Variants in SHOX observed in about 807,000 individuals in gnomAD.
SHOX encodes SHOX homeobox.
In SHOX, 12 loss-of-function variants were observed where a neutral mutation model predicts 29.6. The ratio of observed to expected loss-of-function variants is 0.41; its 90% CI spans 0.26 to 0.66. The LOEUF is 0.66. SHOX is among the 30% of genes least tolerant of loss of function. SHOX has a pLI of 0.35. For missense variants in SHOX, 499 were observed against 437.7 expected (o/e 1.14, Z -1.25); for synonymous variants, 214 against 200.6 (o/e 1.07, Z -0.57).
At chrX:642,491 C>G (rs778807575) in intron 4 of SHOX, among the ~76,000 whole-genome samples, 2 of 152,168 alleles carry the variant, frequency 1.3e-5, no homozygotes, top group East Asian at 3.9e-4. Context: ...GGACCCCGAG[C>G]GCTGGTCGCC....
At chrX:652,500 C>A (rs768396421), downstream of SHOX, among the ~76,000 whole-genome samples, 3 of 151,632 alleles carry the variant, frequency 2.0e-5, no homozygotes, top group Non-Finnish European at 2.9e-5. Flanking sequence ...GGGTTCCCAC[C>A]GCGGTTACAG....
intron 2 of SHOX, among the ~76,000 whole-genome samples, chrX:636,341 T>TATAAATATATAAACATATATAA (rs1556463148): frequency 1.5e-5 from 2 of 132,296 alleles, no homozygotes; most frequent in African/African-American, 5.7e-5. Flanking sequence ...CATATAAACA[T>TATAAATATATAAACATATATAA]ATATAAATAT....
intron 2 of SHOX, among the ~76,000 whole-genome samples, chrX:639,232 A>G (rs190131256): frequency 6.6e-6 from 1 of 152,298 alleles, no homozygotes; most frequent in East Asian, 1.9e-4. Flanking sequence ...CAAGACTCAG[A>G]AGTCCTTAGA....
Position 649,171 on chromosome X carries a change from G to A in SHOX, c.*4535G>A, listed in dbSNP as rs1247891173. ...TCCTGCCTCAGCCTCCCAAGTAGCT[G>A]GGATGACAGGCACCCACCACCATTC... On this transcript the variant is annotated 3_prime_UTR_variant, in exon 5 of 5. Transcript: ENST00000686671. Among the ~76,000 whole-genome samples, 1 of 151,992 alleles carries A rather than the reference G, an allele frequency of 6.6e-6. No individual in the cohort carries two copies. The highest frequency in any genetic ancestry group is 1.5e-5 in the Non-Finnish European group (1 of 67,992).
downstream of SHOX, among the ~76,000 whole-genome samples, chrX:651,764 A>G (rs1304231920): frequency 2.6e-5 from 4 of 151,004 alleles, no homozygotes; most frequent in Non-Finnish European, 5.9e-5. Context: ...GGGAGGTACC[A>G]TTGACTTTTG....
At chrX:626,573 G>GTCTGTCTCTGTCTCTCTCTCTCCTCTC (rs1268714423), upstream of SHOX, among the ~76,000 whole-genome samples, 1 of 13,356 alleles carries the variant, frequency 7.5e-5, no homozygotes, top group African/African-American at 3.4e-4. Flanking sequence ...CTCTGTCTCT[G>GTCTGTCTCTGTCTCTCTCTCTCCTCTC]TCTGTATCTC....
rs2052644410 is a variant in SHOX at position 631,294 on chromosome X, T to C, written c.277+120T>C. 6 of 1,300,768 alleles carry C rather than the reference T, an allele frequency of 4.6e-6. 1 individual carries two copies. The Admixed American group carries it at 5.4e-5, about 12-fold the overall frequency. The allele number at this position is 1,300,768 out of a possible 1,614,324, so 80.6% of individuals were successfully genotyped here. A position where few individuals can be genotyped will look rare whatever the true frequency, so the allele number is the denominator to read the frequency against. ...ATTTGCAGCTCCCGTCTCGCCAGGG[T>C]AAGGCCCGGGCCGTCAGGCTTTGCC... On this transcript the variant is annotated intron_variant, in intron 1 of 4. Coordinates refer to ENST00000686671, the MANE Select transcript of SHOX (RefSeq NM_000451.4).
chrX:629,756 C>T (rs369495599), upstream of SHOX, among the ~76,000 whole-genome samples: 5 of 152,038 alleles, frequency 3.3e-5, no homozygotes, highest in Non-Finnish European at 1.5e-5. Flanking sequence ...CCTCCTGGTG[C>T]CCCACTTTAT....
In SHOX at chrX:651,323, C is replaced by G. The variant is rs192751450; in HGVS notation, c.*6687C>G. On this transcript the variant is annotated 3_prime_UTR_variant, in exon 5 of 5. Coordinates refer to ENST00000686671, the MANE Select transcript of SHOX (RefSeq NM_000451.4). Reference sequence around the variant, plus strand: ...CTTCAGATGAAAACAAATCACACACCGTTTCCCAAACCAACAGTCTTCACA... The same window carrying G: ...CTTCAGATGAAAACAAATCACACACGGTTTCCCAAACCAACAGTCTTCACA... 9 of 455,488 alleles carry G rather than the reference C, an allele frequency of 2.0e-5. No individual in the cohort carries two copies. Among genetic ancestry groups the G allele is most frequent in the Non-Finnish European group, 4.0e-5 (9 of 226,756 alleles). The allele number at this position is 455,488 out of a possible 1,614,324, so 28.2% of individuals were successfully genotyped here.
chrX:639,489 T>G (rs1377498024), intron 2 of SHOX, among the ~76,000 whole-genome samples: 1 of 152,190 alleles, frequency 6.6e-6, no homozygotes, highest in Non-Finnish European at 1.5e-5. Context: ...TTGGAACTCT[T>G]TAGCCATCAG....
Position 644,695 on chromosome X carries a change from C to A in SHOX, c.*59C>A. On this transcript the variant is annotated 3_prime_UTR_variant, in exon 5 of 5. Transcript: ENST00000686671. ...CGGGCTCCGCGCACCCCGCCTGCAC[C>A]GCGCGTCCTGCACTCAACCCCGCCT... 1 of 1,372,510 alleles carries A rather than the reference C, an allele frequency of 7.3e-7. No homozygotes were observed. 85.0% of individuals were successfully genotyped at this position (1,372,510 alleles called of 1,614,324 possible).
At position 645,466 on chromosome X, in the gene SHOX, C is replaced by CG. The variant is rs1332450694; in HGVS notation, c.*832dup. ...AGACGCAAAAGACTTGCATAAGAGA[C>CG]GGACGCGTGGTTGCAAGGTGTCATA... On this transcript the variant is annotated 3_prime_UTR_variant, in exon 5 of 5. Transcript: ENST00000686671. 1.6e-5 allele frequency: 2 copies of CG among 125,516 alleles called. No homozygotes were observed. Among genetic ancestry groups the CG allele is most frequent in the African/African-American group, 6.0e-5 (2 of 33,428 alleles). The allele number at this position is 125,516 out of a possible 1,614,324, so 7.8% of individuals were successfully genotyped here. A position where few individuals can be genotyped will look rare whatever the true frequency, so the allele number is the denominator to read the frequency against.
At chrX:633,263 C>A (rs17719382) in intron 1 of SHOX, among the ~76,000 whole-genome samples, 1 of 152,038 alleles carries the variant, frequency 6.6e-6, no homozygotes, top group African/African-American at 2.4e-5. Context: ...GCAAAGCCTG[C>A]GGGTGTTTGA....
chrX:655,557 ACTCTCTCTCTGTCTCTCT>A (rs1454936777), downstream of SHOX, among the ~76,000 whole-genome samples: 7 of 107,994 alleles, frequency 6.5e-5, no homozygotes, highest in Non-Finnish European at 9.4e-5. Flanking sequence ...AGCAAAAAGG[ACTCTCTCTCTGTCTCTCT>A]CTCTCTCTCT....
At chrX:629,181 TTCTC>T (rs1179228204), upstream of SHOX, among the ~76,000 whole-genome samples, 132 of 134,910 alleles carry the variant, frequency 9.8e-4, 2 homozygotes, top group African/African-American at 3.7e-3. Flanking sequence ...GTGTCTCTCT[TTCTC>T]TCTCTCTATC....
chrX:626,937 CCTCT>C (rs2052549735), upstream of SHOX, among the ~76,000 whole-genome samples: 1 of 150,372 alleles, frequency 6.7e-6, no homozygotes, highest in South Asian at 2.1e-4. Context: ...GTCTCTCTTT[CCTCT>C]CTCTTTTTCT....
In SHOX at chrX:634,885, C is replaced by T. The variant is rs771345618; in HGVS notation, c.486+59C>T. 4.9e-5 allele frequency: 75 copies of T among 1,519,210 alleles called. No homozygotes were observed. The African/African-American group carries it at 7.2e-4, about 15-fold the overall frequency. 94.1% of individuals were successfully genotyped at this position (1,519,210 alleles called of 1,614,324 possible). A position where few individuals can be genotyped will look rare whatever the true frequency, so the allele number is the denominator to read the frequency against. On this transcript the variant is annotated intron_variant, in intron 2 of 4. Coordinates refer to ENST00000686671, the MANE Select transcript of SHOX (RefSeq NM_000451.4). The stretch of plus-strand genomic sequence containing the variant: ...AGCCATCGCCTGGTCCTCGGGAGCG[C>T]ACAGCACGCGTACAGCCACCTGCGC...
chrX:641,454 C>T (rs187376094), intron 4 of SHOX, among the ~76,000 whole-genome samples: 10 of 152,030 alleles, frequency 6.6e-5, no homozygotes, highest in Non-Finnish European at 1.2e-4. Context: ...TTTGGGAGGC[C>T]GAGGCAGGTG....
chrX:630,672 A>G, upstream of SHOX: 1 of 613,190 alleles, frequency 1.6e-6, no homozygotes, highest in Non-Finnish European at 2.9e-6. Flanking sequence ...GGGGAGACAC[A>G]GCGTCTCTGC....
Sources: allele counts gnomAD v4.1 joint callset (sites outside exome capture counted in the v4.1 genomes callset), GRCh38; gene constraint gnomAD v4.1.1; transcripts MANE v1.5; gene names NCBI Gene and HGNC (gene_info 2026-07-23, HGNC 2026-07-21).